Variants in AFF3 observed in about 807,000 individuals in gnomAD.
The protein encoded by AFF3 is AF4/FMR2 family member 3.
A neutral mutation model predicts 129.7 loss-of-function variants in AFF3; 32 were observed. That is an observed-to-expected ratio of 0.25 (90% CI 0.19 to 0.33). The LOEUF (loss-of-function observed/expected upper bound fraction) is 0.33, where lower values mean the gene tolerates loss of function less well. Among genes scored for constraint, AFF3 ranks in the 10% least tolerant of loss-of-function variants. The pLI, the probability that AFF3 is intolerant of heterozygous loss-of-function variation, is 1.00. For missense variants in AFF3, 1,373 were observed against 1,592.0 expected, an observed-to-expected ratio of 0.86 and a Z score of 2.34; for synonymous variants, 644 against 635.4, an observed-to-expected ratio of 1.01 and a Z score of -0.20.
intron 13 of AFF3, among the ~76,000 whole-genome samples, chr2:99,636,088 G>A (rs1020761227): frequency 2.6e-5 from 4 of 152,210 alleles, no homozygotes; most frequent in African/African-American, 9.7e-5. Context: ...CCTCCTTCAC[G>A]TAGTCCCTCA....
intron 12 of AFF3, among the ~76,000 whole-genome samples, chr2:99,656,450 C>T (rs1397453912): frequency 6.6e-6 from 1 of 152,160 alleles, no homozygotes; most frequent in African/African-American, 2.4e-5. Context: ...TGAATAAACG[C>T]CCTTGCAGCC....
chr2:100,089,003 A>G (rs1689663140), intron 4 of AFF3, among the ~76,000 whole-genome samples: 1 of 152,250 alleles, frequency 6.6e-6, no homozygotes, highest in Non-Finnish European at 1.5e-5. Context: ...AAGCATTGTT[A>G]TACATTTTAA....
At chr2:99,585,227 A>G (rs952471296) in intron 16 of AFF3, among the ~76,000 whole-genome samples, 16 of 152,208 alleles carry the variant, frequency 1.1e-4, no homozygotes, top group African/African-American at 3.4e-4. Context: ...GTGCATGGAA[A>G]ACAAAACTGT....
At chr2:99,850,511 G>C (rs1348965058) in intron 7 of AFF3, among the ~76,000 whole-genome samples, 1 of 152,200 alleles carries the variant, frequency 6.6e-6, no homozygotes, top group Non-Finnish European at 1.5e-5. Context: ...GGAAAGTCCA[G>C]GGACTAGTCC....
chr2:99,848,126 G>T (rs993688685), intron 7 of AFF3, among the ~76,000 whole-genome samples: 2 of 151,636 alleles, frequency 1.3e-5, no homozygotes, highest in African/African-American at 2.4e-5. Context: ...GGTGTGTGCC[G>T]GTAATCCCAG....
rs182355600 is a variant in AFF3, at chr2:99,959,541, T to C, written c.873+47091A>G. Among the ~76,000 whole-genome samples, 239 of 151,656 alleles carry C rather than the reference T, an allele frequency of 1.6e-3. 1 individual carries two copies. Among genetic ancestry groups the C allele is most frequent in the African/African-American group, 5.6e-3 (230 of 41,392 alleles). On this transcript the variant is annotated intron_variant, in intron 7 of 24. Coordinates refer to ENST00000672756, the MANE Select transcript of AFF3 (RefSeq NM_001386135.1). ...AAAAATTTTTATCACATTAATATAA[T>C]GTTCTCATCACAGTTAGGAAAATGA...
At chr2:100,067,833 C>T (rs753022251) in intron 4 of AFF3, among the ~76,000 whole-genome samples, 2 of 152,110 alleles carry the variant, frequency 1.3e-5, no homozygotes, top group Non-Finnish European at 2.9e-5. Context: ...GAATTTGGGT[C>T]TCCAAACTCT....
chr2:99,874,839 T>C (rs542561547), intron 7 of AFF3, among the ~76,000 whole-genome samples: 6 of 152,188 alleles, frequency 3.9e-5, no homozygotes, highest in East Asian at 1.9e-4. Context: ...AGGAAATACA[T>C]TGAAATATTT....
intron 4 of AFF3, among the ~76,000 whole-genome samples, chr2:100,047,869 T>C (rs1685964193): frequency 6.6e-6 from 1 of 152,188 alleles, no homozygotes; most frequent in African/African-American, 2.4e-5. Context: ...AAACAAACAC[T>C]GATTCAAGGC....
Position 100,104,162 on chromosome 2 carries a change from C to T in AFF3, c.53+240G>A, listed in dbSNP as rs868611988. 3.9e-5 allele frequency among the ~76,000 whole-genome samples: 6 copies of T among 152,226 alleles called. No individual in the cohort carries two copies. In the Middle Eastern group the frequency reaches 0.01, roughly 259 times the overall value. On this transcript the variant is annotated intron_variant, in intron 4 of 24. Transcript: ENST00000672756. The stretch of plus-strand genomic sequence containing the variant: ...CCCCTGGCTACCTAGATCACCAGTC[C>T]CTGGGCTGGGGCGGGCCGCCGCGAG...
rs1330701173 is a variant in AFF3, at chr2:99,930,062, C to G, written c.873+76570G>C. 2.0e-5 allele frequency among the ~76,000 whole-genome samples: 3 copies of G among 152,004 alleles called. No homozygotes were observed. The East Asian group carries it at 5.8e-4, about 29-fold the overall frequency. On this transcript the variant is annotated intron_variant, in intron 7 of 24. Transcript: ENST00000672756. ...AACTGTACACAAGCATCTCTCTAAA[C>G]TTAAAGAAAACACTGATTCTGGGCT...
At chr2:99,740,561 C>A (rs1680638901) in intron 10 of AFF3, among the ~76,000 whole-genome samples, 1 of 150,104 alleles carries the variant, frequency 6.7e-6, no homozygotes. Flanking sequence ...CTCTGATGGC[C>A]AGTGATGGTG....
chr2:99,806,404 C>T (rs1323607063), intron 8 of AFF3, among the ~76,000 whole-genome samples: 4 of 152,186 alleles, frequency 2.6e-5, no homozygotes, highest in Non-Finnish European at 5.9e-5. Context: ...CGTAAACAAG[C>T]CTAACACTGC....
intron 8 of AFF3, among the ~76,000 whole-genome samples, chr2:99,784,327 T>C (rs1208672240): frequency 2.0e-5 from 3 of 152,242 alleles, no homozygotes; most frequent in Non-Finnish European, 2.9e-5. Context: ...TTTGGGTTGT[T>C]GCGGAGCATG....
At chr2:99,627,170 G>A (rs1022497082) in intron 13 of AFF3, among the ~76,000 whole-genome samples, 11 of 152,136 alleles carry the variant, frequency 7.2e-5, no homozygotes, top group Non-Finnish European at 1.3e-4. Flanking sequence ...CACAATGGCT[G>A]AAATAAAATT....
chr2:100,080,919 C>T (rs1305997255), intron 4 of AFF3, among the ~76,000 whole-genome samples: 1 of 152,122 alleles, frequency 6.6e-6, no homozygotes, highest in Admixed American at 6.5e-5. Flanking sequence ...AAAGTCAGAT[C>T]ACAGTAGAGA....
At chr2:100,017,734 T>TCC (rs1343616282) in intron 4 of AFF3, among the ~76,000 whole-genome samples, 1 of 152,160 alleles carries the variant, frequency 6.6e-6, no homozygotes, top group Non-Finnish European at 1.5e-5. Context: ...TTCTCCCTAT[T>TCC]TACAGTGGAG....
chr2:99,981,352 A>C (rs1481445875), intron 7 of AFF3, among the ~76,000 whole-genome samples: 1 of 152,192 alleles, frequency 6.6e-6, no homozygotes, highest in Non-Finnish European at 1.5e-5. Flanking sequence ...TAGGGCATAG[A>C]GATTTTTTCC....
At chr2:100,023,590 T>C (rs1480264182) in intron 4 of AFF3, among the ~76,000 whole-genome samples, 1 of 152,048 alleles carries the variant, frequency 6.6e-6, no homozygotes, top group Non-Finnish European at 1.5e-5. Flanking sequence ...ACTGAACGCA[T>C]AGTTTCCAAG....
Sources: gnomAD v4.1 joint callset for allele counts (sites outside exome capture counted in the v4.1 genomes callset) on GRCh38, gnomAD v4.1.1 for gene constraint, MANE v1.5 for transcripts, NCBI Gene and HGNC (gene_info 2026-07-23, HGNC 2026-07-21) for gene names.